Variants in MYH10 observed in about 807,000 individuals in gnomAD.
MYH10 encodes myosin-10.
Under a neutral mutation model 257.8 loss-of-function variants are expected in MYH10, and 55 were observed. The ratio of observed to expected loss-of-function variants is 0.21; its 90% CI spans 0.17 to 0.27. MYH10 has a LOEUF of 0.27. Ranked by LOEUF, MYH10 falls within the 10% of genes least tolerant of loss-of-function variation. The probability of loss-of-function intolerance (pLI) is 1.00; values close to 1 mark genes in which losing one functional copy is unlikely to be tolerated. For missense variants in MYH10, 1,631 were observed against 2,500.6 expected (o/e 0.65, Z 7.42); for synonymous variants, 854 against 921.7 (o/e 0.93, Z 1.33).
intron 31 of MYH10, 134 bp downstream of exon 31, chr17:8,495,003 G>A: frequency 1.6e-6 from 1 of 620,068 alleles, no homozygotes. Context: ...AGCAAGGCTG[G>A]CTCCAAATAA....
At chr17:8,521,435 C>T in intron 17 of MYH10, 150 bp from the exon 18 acceptor site, 2 of 730,716 alleles carry the variant, frequency 2.7e-6, no homozygotes, top group East Asian at 5.4e-5. Flanking sequence ...TACTTAGGCA[C>T]TGCACAAGCC....
At chr17:8,519,822 GA>G (rs1451055918) in intron 19 of MYH10, among the ~76,000 whole-genome samples, 1 of 151,628 alleles carries the variant, frequency 6.6e-6, no homozygotes, top group East Asian at 1.9e-4. Context: ...GAAAAAAGAA[GA>G]AAAAAAGCAA....
chr17:8,597,873 C>T (rs1344901271), intron 3 of MYH10, among the ~76,000 whole-genome samples: 2 of 152,120 alleles, frequency 1.3e-5, no homozygotes, highest in Non-Finnish European at 2.9e-5. Context: ...CCGCCCCAGC[C>T]TCCCAAAGTG....
chr17:8,489,111 G>T (rs1915341031), intron 35 of MYH10, among the ~76,000 whole-genome samples: 1 of 152,006 alleles, frequency 6.6e-6, no homozygotes, highest in Non-Finnish European at 1.5e-5. Flanking sequence ...CTCCCTCCAG[G>T]ACAGTCAGGA....
chr17:8,488,861 T>C (rs1915307800), intron 35 of MYH10, among the ~76,000 whole-genome samples: 1 of 152,190 alleles, frequency 6.6e-6, no homozygotes, highest in Non-Finnish European at 1.5e-5. Flanking sequence ...AGGCTCCTAA[T>C]GTAGAGCCAC....
In MYH10 at chr17:8,535,327, T is replaced by G. The variant is rs1188856812; in HGVS notation, c.1894+60A>C. The G allele has an allele frequency of 7.6e-7, 1 of 1,323,258 alleles. No homozygotes were observed. The highest frequency in any genetic ancestry group is 2.3e-5 in the East Asian group (1 of 43,104). The allele number at this position is 1,323,258 out of a possible 1,614,324, so 82.0% of individuals were successfully genotyped here. A position where few individuals can be genotyped will look rare whatever the true frequency, so the allele number is the denominator to read the frequency against. ...CATATATATGTAAAAGAACCATCTA[T>G]AAACCTTAATTATAAAAGATTCCAG... On this transcript the variant is annotated intron_variant, in intron 16 of 42. Coordinates refer to ENST00000360416, the MANE Select transcript of MYH10 (RefSeq NM_001256012.3). This position sits in a 1 kb window ranked among gnomAD's most constrained non-coding sequence, Gnocchi z 4.3.
chr17:8,591,777 CCT>C lies in MYH10; in HGVS notation c.503-2671_503-2670del, dbSNP rs1214369637. On this transcript the variant is annotated intron_variant, in intron 3 of 42. Transcript: ENST00000360416. ...CCCCACGCTTCTTGCTATCCCACCC[CCT>C]GTCAAACAACAACAAAAAACCAACT... is the stretch of plus-strand genomic sequence containing the variant. 5.9e-5 allele frequency among the ~76,000 whole-genome samples: 9 copies of C among 152,164 alleles called. No homozygotes were observed. The South Asian group carries it at 6.2e-4, about 11-fold the overall frequency.
Position 8,508,545 on chromosome 17 carries a change from A to C in MYH10, c.3214+9T>G. On this transcript the variant is annotated intron_variant, in intron 26 of 42. Coordinates refer to ENST00000360416, the MANE Select transcript of MYH10 (RefSeq NM_001256012.3). ...CTAGTCCCTGATTTCTCTAGCCCCAAATACTAACCTTCTAAATCTGAGATC... is the reference window on the plus strand; with the variant it reads ...CTAGTCCCTGATTTCTCTAGCCCCACATACTAACCTTCTAAATCTGAGATC... 1 of 1,614,002 alleles carries C rather than the reference A, an allele frequency of 6.2e-7. No individual in the cohort carries two copies. The highest frequency in any genetic ancestry group is 1.1e-5 in the South Asian group (1 of 91,068).
chr17:8,484,299 T>TACA lies in MYH10; in HGVS notation c.5047-36_5047-34dup, dbSNP rs773644506. On this transcript the variant is annotated intron_variant, in intron 36 of 42. Transcript: ENST00000360416. ...TAAATAAGAAGGTTTTGGGGTGGTT[T>TACA]ACATTCTTAGTTTTAGTTAAAATAA... is the stretch of plus-strand genomic sequence containing the variant. The TACA allele has an allele frequency of 8.8e-6, 14 of 1,582,488 alleles. No individual in the cohort carries two copies. In the South Asian group the frequency reaches 1.7e-4, roughly 19 times the overall value.
intron 17 of MYH10, among the ~76,000 whole-genome samples, chr17:8,528,286 C>T (rs575367123): frequency 6.6e-6 from 1 of 152,278 alleles, no homozygotes; most frequent in Non-Finnish European, 1.5e-5. Flanking sequence ...ACCCTATTAC[C>T]CATCACCCCT....
chr17:8,553,824 A>C, intron 8 of MYH10, 131 bp downstream of exon 8: 2 of 699,538 alleles, frequency 2.9e-6, no homozygotes, highest in Non-Finnish European at 5.0e-6. Context: ...GTATTTGAAC[A>C]AGGCATGCTA....
At chr17:8,541,992 A>G (rs113139755) in intron 14 of MYH10, 115 bp downstream of exon 14, 2 of 1,068,112 alleles carry the variant, frequency 1.9e-6, no homozygotes, top group East Asian at 2.6e-5. Context: ...GAAAATTTAG[A>G]TCAGAAAATT....
chr17:8,622,878 T>C, intron 2 of MYH10, 24 bp downstream of exon 2: 1 of 1,606,578 alleles, frequency 6.2e-7, no homozygotes. Context: ...CCACTTCACA[T>C]GATTATTTGG....
chr17:8,605,909 C>G (rs1468655181), intron 2 of MYH10, among the ~76,000 whole-genome samples: 1 of 152,030 alleles, frequency 6.6e-6, no homozygotes, highest in African/African-American at 2.4e-5. Flanking sequence ...TTGGTTAATA[C>G]TAAAGAGATT....
Position 8,487,597 on chromosome 17 carries a change from A to G in MYH10, c.4885-3T>C, listed in dbSNP as rs1360205540. ...AGCTCCGCCTCGAGCTCCCGCACCT[A>G]ATGGACAACATCGGGTTATGCTGGG... On this transcript the variant is annotated splice_region_variant and splice_polypyrimidine_tract_variant and intron_variant, in intron 35 of 42. Transcript: ENST00000360416. 3 of 1,614,104 alleles carry G rather than the reference A, an allele frequency of 1.9e-6. No homozygotes were observed. In the East Asian group the frequency reaches 6.7e-5, roughly 36 times the overall value.
intron 40 of MYH10, among the ~76,000 whole-genome samples, chr17:8,479,615 G>A (rs1913322413): frequency 6.6e-6 from 1 of 152,204 alleles, no homozygotes; most frequent in African/African-American, 2.4e-5. Context: ...GTCTGCCCTG[G>A]CTCTGGGCGC....
At chr17:8,502,917 CTAGATTTTAAAAAAGCAGATA>C (rs1295480012) in intron 28 of MYH10, among the ~76,000 whole-genome samples, 1 of 152,168 alleles carries the variant, frequency 6.6e-6, no homozygotes, top group Admixed American at 6.5e-5. Flanking sequence ...TCAGTGGTTT[CTAGATTTTAAAAAAGCAGATA>C]TGTCAAAGAG....
intron 4 of MYH10, 28 bp downstream of exon 4, chr17:8,589,053 C>T: frequency 6.2e-7 from 1 of 1,611,514 alleles, no homozygotes. Flanking sequence ...AAATCAAAAA[C>T]AAATCTGAAC....
At chr17:8,548,471 C>T in intron 10 of MYH10, 63 bp from the exon 11 acceptor site, 1 of 1,422,328 alleles carries the variant, frequency 7.0e-7, no homozygotes, top group Non-Finnish European at 9.6e-7. Flanking sequence ...GAGACATATT[C>T]TCATTTATTT....
Sources: gnomAD v4.1 joint callset for allele counts (sites outside exome capture counted in the v4.1 genomes callset) on GRCh38, gnomAD v4.1.1 for gene constraint, Gnocchi (gnomAD v3.1) non-coding constraint, MANE v1.5 for transcripts, NCBI Gene and HGNC (gene_info 2026-07-23, HGNC 2026-07-21) for gene names.